SSH2: variants seen among roughly 807,000 people sequenced by gnomAD.
SSH2 encodes the protein protein phosphatase Slingshot homolog 2.
Under a neutral mutation model 135.2 loss-of-function variants are expected in SSH2, and 37 were observed. The observed-to-expected ratio is 0.27, with a 90% CI of 0.21 to 0.36. The LOEUF is 0.36. SSH2 is among the 10% of genes least tolerant of loss of function. The pLI, the probability that SSH2 is intolerant of heterozygous loss-of-function variation, is 1.00. For synonymous variants in SSH2, 628 were observed against 646.2 expected (o/e 0.97, Z 0.43); for missense variants, 1,408 against 1,765.3 (o/e 0.80, Z 3.63).
At chr17:29,773,102 C>T (rs1251876636) in intron 3 of SSH2, among the ~76,000 whole-genome samples, 6 of 151,858 alleles carry the variant, frequency 4.0e-5, no homozygotes, top group Non-Finnish European at 1.5e-5. Context: ...CATCCATCAT[C>T]CACCCATCCA....
intron 1 of SSH2, among the ~76,000 whole-genome samples, chr17:29,869,968 T>C (rs748846091): frequency 6.6e-6 from 1 of 152,130 alleles, no homozygotes; most frequent in Non-Finnish European, 1.5e-5. Flanking sequence ...GCATGGGATA[T>C]TGGTCGGTAC....
chr17:29,905,791 C>T (rs1258435673), intron 1 of SSH2, among the ~76,000 whole-genome samples: 1 of 152,124 alleles, frequency 6.6e-6, no homozygotes, highest in Non-Finnish European at 1.5e-5. Context: ...CAGGACTGCC[C>T]ATGGGCCAAT....
rs565169901 is a variant in SSH2 at position 29,829,353 on chromosome 17, T to G, written c.144+19496A>C. Among the ~76,000 whole-genome samples the G allele has an allele frequency of 2.0e-4, 31 of 152,294 alleles. 1 individual carries two copies. The South Asian group carries it at 6.2e-3, about 31-fold the overall frequency. The stretch of plus-strand genomic sequence containing the variant: ...ATATACATTCCTTACCACCACACCA[T>G]AACACCATACTACTATTCTGCCAAC... On this transcript the variant is annotated intron_variant, in intron 2 of 15. Coordinates refer to ENST00000540801, the MANE Select transcript of SSH2 (RefSeq NM_001282129.2).
intron 3 of SSH2, among the ~76,000 whole-genome samples, chr17:29,722,849 G>A (rs991917177): frequency 9.2e-5 from 14 of 152,218 alleles, no homozygotes; most frequent in African/African-American, 3.4e-4. Flanking sequence ...TAGAGCTGCT[G>A]TCAACAAGTT....
intron 3 of SSH2, among the ~76,000 whole-genome samples, chr17:29,731,720 T>A (rs997772701): frequency 6.6e-6 from 1 of 152,138 alleles, no homozygotes; most frequent in African/African-American, 2.4e-5. Flanking sequence ...CCTCCCAAAG[T>A]GCTGAGATTA....
At chr17:29,761,595 A>T (rs1405015430) in intron 3 of SSH2, among the ~76,000 whole-genome samples, 1 of 152,142 alleles carries the variant, frequency 6.6e-6, no homozygotes, top group East Asian at 1.9e-4. Flanking sequence ...CGGCGGCCCC[A>T]AGACACTGCT....
intron 2 of SSH2, among the ~76,000 whole-genome samples, chr17:29,799,089 T>A (rs1403506765): frequency 6.6e-6 from 1 of 152,238 alleles, no homozygotes; most frequent in Non-Finnish European, 1.5e-5. Flanking sequence ...CTAAATATTA[T>A]CCTGAAAAGA....
intron 11 of SSH2, among the ~76,000 whole-genome samples, chr17:29,658,147 G>A (rs1024369387): frequency 2.6e-5 from 4 of 151,758 alleles, no homozygotes; most frequent in Non-Finnish European, 4.4e-5. Context: ...GGGATTACAG[G>A]TGCGCACCAC....
intron 3 of SSH2, among the ~76,000 whole-genome samples, chr17:29,751,436 CAAAG>C (rs753903597): frequency 2.6e-5 from 4 of 151,430 alleles, no homozygotes; most frequent in Admixed American, 6.6e-5. Context: ...GAAAAAAAAA[CAAAG>C]AAAGAGAGTC....
intron 2 of SSH2, among the ~76,000 whole-genome samples, chr17:29,840,433 T>G (rs1041636789): frequency 6.6e-6 from 1 of 152,208 alleles, no homozygotes; most frequent in Non-Finnish European, 1.5e-5. Flanking sequence ...GCATCAACTA[T>G]GTGCAATTTA....
chr17:29,707,775 C>T (rs2039266691), intron 3 of SSH2, among the ~76,000 whole-genome samples: 1 of 152,168 alleles, frequency 6.6e-6, no homozygotes, highest in African/African-American at 2.4e-5. Context: ...ATCCGCCCGC[C>T]TTGGCCTCCC....
chr17:29,836,989 G>A (rs2042953252), intron 2 of SSH2, among the ~76,000 whole-genome samples: 2 of 152,184 alleles, frequency 1.3e-5, no homozygotes, highest in Non-Finnish European at 2.9e-5. Flanking sequence ...GGGCGTGGTG[G>A]CTCATGCCTA....
chr17:29,682,374 G>C (rs1187885489), intron 6 of SSH2, among the ~76,000 whole-genome samples: 1 of 152,144 alleles, frequency 6.6e-6, no homozygotes, highest in Non-Finnish European at 1.5e-5. Flanking sequence ...AATGGAAAAT[G>C]TTCTATACAT....
intron 3 of SSH2, among the ~76,000 whole-genome samples, chr17:29,785,334 A>G (rs1317825779): frequency 2.0e-5 from 3 of 152,070 alleles, no homozygotes; most frequent in Admixed American, 6.5e-5. Context: ...GTTTCCTATC[A>G]TAACTATTCA....
chr17:29,735,676 G>A lies in SSH2; in HGVS notation c.189-32614C>T, dbSNP rs1420303790. Among the ~76,000 whole-genome samples the A allele has an allele frequency of 6.5e-5, 9 of 137,992 alleles. No homozygotes were observed. In the Admixed American group the frequency reaches 7.0e-4, roughly 11 times the overall value. 90.5% of individuals were successfully genotyped at this position (137,992 alleles called of 152,430 possible). A position where few individuals can be genotyped will look rare whatever the true frequency, so the allele number is the denominator to read the frequency against. On this transcript the variant is annotated intron_variant, in intron 3 of 15. Coordinates refer to ENST00000540801, the MANE Select transcript of SSH2 (RefSeq NM_001282129.2). ...CGCGTCACTGCACTCCAGCCTGGAC[G>A]ACAGAGCAAGATTCTGTCTCAAAAA... is the stretch of plus-strand genomic sequence containing the variant.
chr17:29,880,162 T>C (rs1268204714), intron 1 of SSH2, among the ~76,000 whole-genome samples: 1 of 152,170 alleles, frequency 6.6e-6, no homozygotes, highest in Admixed American at 6.5e-5. Context: ...CTGAACAGTA[T>C]ACAGGATAAA....
At position 29,699,817 on chromosome 17, in the gene SSH2, TCAAGTTTTTTGGGGAAGTGTCCTCCCCTA is replaced by T. The variant is rs571743306; in HGVS notation, c.292+3113_292+3141del. 1.9e-4 allele frequency among the ~76,000 whole-genome samples: 29 copies of T among 152,326 alleles called. No individual in the cohort carries two copies. In the South Asian group the frequency reaches 5.6e-3, roughly 29 times the overall value. On this transcript the variant is annotated intron_variant, in intron 4 of 15. Coordinates refer to ENST00000540801, the MANE Select transcript of SSH2 (RefSeq NM_001282129.2). ...TAGTGGGCATACTTCATCTGCACAT[TCAAGTTTTTTGGGGAAGTGTCCTCCCCTA>T]CCCGACCTCTGGTACTGGGCACTGG...
chr17:29,677,832 C>G (rs1364400507), intron 6 of SSH2, 91 bp from the exon 7 acceptor site: 10 of 968,936 alleles, frequency 1.0e-5, no homozygotes, highest in African/African-American at 4.9e-5. Context: ...AAGGATAAAC[C>G]CTTAAATTCT....
At chr17:29,692,389 ATGTGTT>A (rs2038525127) in intron 5 of SSH2, among the ~76,000 whole-genome samples, 1 of 152,194 alleles carries the variant, frequency 6.6e-6, no homozygotes, top group South Asian at 2.1e-4. Flanking sequence ...CATAATGACT[ATGTGTT>A]TGTAACAACT....
Sources: allele counts gnomAD v4.1 joint callset (sites outside exome capture counted in the v4.1 genomes callset), GRCh38; gene constraint gnomAD v4.1.1; transcripts MANE v1.5; gene names NCBI Gene and HGNC (gene_info 2026-07-23, HGNC 2026-07-21).